Variants in BRINP3 observed in about 807,000 individuals in gnomAD.
BRINP3 encodes the protein BMP/retinoic acid inducible neural specific 3.
BRINP3 carries 19 observed loss-of-function variants against 71.0 expected under a neutral mutation model. That is an observed-to-expected ratio of 0.27 (90% CI 0.19 to 0.39). BRINP3 has a LOEUF of 0.39. Ranked by LOEUF, BRINP3 falls within the 10% of genes least tolerant of loss-of-function variation. The pLI, the probability that BRINP3 is intolerant of heterozygous loss-of-function variation, is 1.00. For synonymous variants in BRINP3, 380 were observed against 337.7 expected, an observed-to-expected ratio of 1.13 and a Z score of -1.37; for missense variants, 959 against 940.8, an observed-to-expected ratio of 1.02 and a Z score of -0.25.
chr1:190,406,423 C>T lies in BRINP3; in HGVS notation c.236+48232G>A, dbSNP rs140009335. 1.1e-4 allele frequency among the ~76,000 whole-genome samples: 17 copies of T among 152,288 alleles called. No individual in the cohort carries two copies. The East Asian group carries it at 2.1e-3, about 19-fold the overall frequency. ...CTACTATTTCTAGAGCCTATATTTTCGTACTGCTGCAAGTGTCAGAACTAT... is the reference window on the plus strand; with the variant it reads ...CTACTATTTCTAGAGCCTATATTTTTGTACTGCTGCAAGTGTCAGAACTAT... On this transcript the variant is annotated intron_variant, in intron 2 of 7. Transcript: ENST00000367462.
rs1056278152 is a variant in BRINP3, at chr1:190,452,380, A to G, written c.236+2275T>C. 4.6e-5 allele frequency among the ~76,000 whole-genome samples: 7 copies of G among 152,350 alleles called. No homozygotes were observed. In the South Asian group the frequency reaches 1.2e-3, roughly 27 times the overall value. On this transcript the variant is annotated intron_variant, in intron 2 of 7. Transcript: ENST00000367462. ...ATATCTTTACATGTTTATTCAAGCC[A>G]CAAAGGTAAAGACATAGTAAGGATA...
intron 1 of BRINP3, among the ~76,000 whole-genome samples, chr1:190,458,610 A>G (rs537079809): frequency 6.6e-6 from 1 of 152,126 alleles, no homozygotes; most frequent in African/African-American, 2.4e-5. Context: ...TTTGGGTTAT[A>G]ACCATATTAA....
At chr1:190,460,616 T>A (rs545841046) in intron 1 of BRINP3, among the ~76,000 whole-genome samples, 6 of 152,206 alleles carry the variant, frequency 3.9e-5, no homozygotes, top group African/African-American at 1.4e-4. Flanking sequence ...TAAGTCTTAA[T>A]AAAGATAGTG....
intron 6 of BRINP3, among the ~76,000 whole-genome samples, chr1:190,164,971 T>C (rs1651361146): frequency 6.6e-6 from 1 of 152,158 alleles, no homozygotes; most frequent in South Asian, 2.1e-4. Flanking sequence ...TAAATCAATG[T>C]ATATATTGGT....
At chr1:190,177,858 T>G (rs1287954953) in intron 6 of BRINP3, among the ~76,000 whole-genome samples, 1 of 152,168 alleles carries the variant, frequency 6.6e-6, no homozygotes, top group African/African-American at 2.4e-5. Context: ...CAGCTACAGG[T>G]GGAAAATAGA....
chr1:190,354,402 T>C (rs1668596638), intron 2 of BRINP3, among the ~76,000 whole-genome samples: 1 of 151,904 alleles, frequency 6.6e-6, no homozygotes, highest in South Asian at 2.1e-4. Context: ...CAGGGGTTGA[T>C]ACATCTTGTT....
At chr1:190,329,058 T>C (rs939202640) in intron 2 of BRINP3, among the ~76,000 whole-genome samples, 8 of 151,964 alleles carry the variant, frequency 5.3e-5, no homozygotes, top group African/African-American at 1.9e-4. Flanking sequence ...AAACCCACGG[T>C]AAATATAATG....
At chr1:190,117,405 A>G (rs1471183186) in intron 7 of BRINP3, among the ~76,000 whole-genome samples, 1 of 152,018 alleles carries the variant, frequency 6.6e-6, no homozygotes, top group East Asian at 1.9e-4. Context: ...ATTTTAAATC[A>G]CTATTTATTA....
chr1:190,470,261 A>G (rs1440408756), intron 1 of BRINP3, among the ~76,000 whole-genome samples: 1 of 151,122 alleles, frequency 6.6e-6, no homozygotes, highest in African/African-American at 2.4e-5. Flanking sequence ...TCTATCTATA[A>G]GTATTCTTTC....
chr1:190,248,592 T>C (rs1411639036), intron 4 of BRINP3, among the ~76,000 whole-genome samples: 1 of 151,786 alleles, frequency 6.6e-6, no homozygotes, highest in African/African-American at 2.4e-5. Context: ...AAGACTTTTG[T>C]ATGTTTATTT....
intron 7 of BRINP3, among the ~76,000 whole-genome samples, chr1:190,149,293 G>T (rs1656178259): frequency 6.6e-6 from 1 of 152,136 alleles, no homozygotes; most frequent in Non-Finnish European, 1.5e-5. Context: ...TGTCTCTTCT[G>T]CTATTTAGAT....
intron 6 of BRINP3, among the ~76,000 whole-genome samples, chr1:190,220,735 A>G (rs1294688686): frequency 6.6e-6 from 1 of 152,104 alleles, no homozygotes; most frequent in African/African-American, 2.4e-5. Flanking sequence ...AAAAATGGAG[A>G]GAATTTACCA....
intron 2 of BRINP3, among the ~76,000 whole-genome samples, chr1:190,385,534 C>G (rs1003743683): frequency 6.6e-6 from 1 of 151,698 alleles, no homozygotes; most frequent in Non-Finnish European, 1.5e-5. Flanking sequence ...CAATGAGATA[C>G]CATCTCACAC....
intron 6 of BRINP3, among the ~76,000 whole-genome samples, chr1:190,168,798 C>A (rs1215934389): frequency 6.6e-6 from 1 of 152,164 alleles, no homozygotes; most frequent in Non-Finnish European, 1.5e-5. Context: ...AACATAGAGT[C>A]ATTCTAATTA....
intron 2 of BRINP3, among the ~76,000 whole-genome samples, chr1:190,408,609 G>T (rs1185345595): frequency 6.6e-6 from 1 of 151,770 alleles, no homozygotes; most frequent in Non-Finnish European, 1.5e-5. Context: ...AAAACACATG[G>T]GTCAGTGAGG....
intron 5 of BRINP3, among the ~76,000 whole-genome samples, chr1:190,229,947 C>G (rs1657801868): frequency 6.6e-6 from 1 of 151,420 alleles, no homozygotes; most frequent in Non-Finnish European, 1.5e-5. Context: ...AATTTAATAA[C>G]AAAACAGACA....
intron 2 of BRINP3, among the ~76,000 whole-genome samples, chr1:190,407,167 G>A (rs1477532726): frequency 1.3e-5 from 2 of 152,130 alleles, no homozygotes; most frequent in Non-Finnish European, 2.9e-5. Context: ...GAAAACACAG[G>A]CTTAGTAGAA....
intron 6 of BRINP3, among the ~76,000 whole-genome samples, chr1:190,175,668 A>T (rs1045693318): frequency 2.0e-5 from 3 of 152,206 alleles, no homozygotes; most frequent in African/African-American, 7.2e-5. Flanking sequence ...AGAATTAATT[A>T]CTATATAGGT....
chr1:190,255,415 G>T (rs568677539), intron 4 of BRINP3, among the ~76,000 whole-genome samples: 197 of 152,100 alleles, frequency 1.3e-3, no homozygotes, highest in African/African-American at 4.1e-3. Flanking sequence ...TCTGGTCCTC[G>T]ACTGTTTTTG....
Sources: allele counts gnomAD v4.1 joint callset (sites outside exome capture counted in the v4.1 genomes callset), GRCh38; gene constraint gnomAD v4.1.1; transcripts MANE v1.5; gene names NCBI Gene and HGNC (gene_info 2026-07-23, HGNC 2026-07-21).